The following STARD13 variants were observed in gnomAD, a reference collection of about 807,000 sequenced individuals.
STARD13 encodes the protein stAR-related lipid transfer protein 13.
A neutral mutation model predicts 106.4 loss-of-function variants in STARD13; 62 were observed. The observed-to-expected ratio is 0.58, with a 90% CI of 0.48 to 0.72. The LOEUF is 0.72. Among genes scored for constraint, STARD13 ranks in the 30% least tolerant of loss-of-function variants. The pLI, the probability that STARD13 is intolerant of heterozygous loss-of-function variation, is 0.00. For missense variants in STARD13, 1,387 were observed against 1,424.0 expected, an observed-to-expected ratio of 0.97 and a Z score of 0.42; for synonymous variants, 565 against 553.0, an observed-to-expected ratio of 1.02 and a Z score of -0.31.
At chr13:33,550,472 G>A in the STARD13 span, among the ~76,000 whole-genome samples, 1 of 152,132 alleles carries the variant, frequency 6.6e-6, no homozygotes, top group Non-Finnish European at 1.5e-5. Flanking sequence ...CAATAATGCC[G>A]AAACAGTGAT....
chr13:33,140,787 G>A (rs1163851995), intron 4 of STARD13, among the ~76,000 whole-genome samples: 1 of 150,024 alleles, frequency 6.7e-6, no homozygotes, highest in Admixed American at 6.6e-5. Flanking sequence ...TTTTGAGGCG[G>A]AGTCTCTCTC....
the STARD13 span, among the ~76,000 whole-genome samples, chr13:33,433,474 T>A: frequency 6.6e-6 from 1 of 152,138 alleles, no homozygotes; most frequent in Non-Finnish European, 1.5e-5. Flanking sequence ...CAAGAAAGAA[T>A]CACCAGGAAT....
chr13:33,594,113 T>G, the STARD13 span, among the ~76,000 whole-genome samples: 34,130 of 151,846 alleles, frequency 0.22, 4,881 homozygotes, highest in East Asian at 0.39. Context: ...TCACCATATT[T>G]CCAGGATGGT....
chr13:33,495,499 C>G, the STARD13 span, among the ~76,000 whole-genome samples: 6 of 152,106 alleles, frequency 3.9e-5, no homozygotes, highest in Admixed American at 3.9e-4. Flanking sequence ...AGCTTGAACA[C>G]TTTCTTCATG....
chr13:33,188,468 A>G (rs1001700356), intron 1 of STARD13, among the ~76,000 whole-genome samples: 3 of 152,080 alleles, frequency 2.0e-5, no homozygotes, highest in African/African-American at 7.2e-5. Flanking sequence ...TCTGGTTATG[A>G]TCTGCTGCTA....
the STARD13 span, among the ~76,000 whole-genome samples, chr13:33,587,712 C>T: frequency 1.3e-5 from 2 of 152,160 alleles, no homozygotes; most frequent in Non-Finnish European, 2.9e-5. Flanking sequence ...CCAGCCAATG[C>T]GTCTGAATCC....
At chr13:33,444,292 G>C in the STARD13 span, among the ~76,000 whole-genome samples, 1 of 152,158 alleles carries the variant, frequency 6.6e-6, no homozygotes, top group African/African-American at 2.4e-5. Context: ...CTCTAGAACT[G>C]TAAGAATTAT....
intron 12 of STARD13, among the ~76,000 whole-genome samples, chr13:33,108,233 T>C (rs2138057413): frequency 6.6e-6 from 1 of 152,308 alleles, no homozygotes; most frequent in African/African-American, 2.4e-5. Flanking sequence ...GACTGTAAGA[T>C]GCTCTGAAGA....
chr13:33,348,249 C>T (rs368331045), downstream of STARD13, among the ~76,000 whole-genome samples: 40 of 152,232 alleles, frequency 2.6e-4, 1 homozygote, highest in East Asian at 1.2e-3. Context: ...AGTTCCCATT[C>T]TGAAACCACT....
chr13:33,240,849 T>G (rs1490843117), intron 1 of STARD13, among the ~76,000 whole-genome samples: 1 of 152,190 alleles, frequency 6.6e-6, no homozygotes, highest in African/African-American at 2.4e-5. Context: ...ATTGTTTTCT[T>G]AATTTCATTT....
the STARD13 span, among the ~76,000 whole-genome samples, chr13:33,662,231 C>T: frequency 6.7e-6 from 1 of 149,284 alleles, no homozygotes; most frequent in Non-Finnish European, 1.5e-5. Context: ...CACTGTACTA[C>T]AGCCTGGGCG....
chr13:33,643,903 T>C, the STARD13 span, among the ~76,000 whole-genome samples: 1 of 152,220 alleles, frequency 6.6e-6, no homozygotes, highest in African/African-American at 2.4e-5. Flanking sequence ...TGGGCTAAGA[T>C]TCAAAACTCC....
At chr13:33,400,840 G>A in the STARD13 span, among the ~76,000 whole-genome samples, 1 of 152,104 alleles carries the variant, frequency 6.6e-6, no homozygotes, top group Admixed American at 6.5e-5. Context: ...CTTAAAATGG[G>A]TGCATTTCAG....
At chr13:33,418,100 C>A in the STARD13 span, among the ~76,000 whole-genome samples, 3 of 152,090 alleles carry the variant, frequency 2.0e-5, no homozygotes, top group Admixed American at 2.0e-4. Context: ...ACAGTGGGTG[C>A]AGCCCATGAA....
At chr13:33,514,281 T>C in the STARD13 span, among the ~76,000 whole-genome samples, 672 of 152,268 alleles carry the variant, frequency 4.4e-3, 5 homozygotes, top group African/African-American at 0.015. Context: ...CTTAATGATC[T>C]AAATGAGATA....
At chr13:33,504,832 T>G in the STARD13 span, among the ~76,000 whole-genome samples, 2 of 152,218 alleles carry the variant, frequency 1.3e-5, no homozygotes, top group African/African-American at 2.4e-5. Context: ...CCTGAGCCAC[T>G]GTGCACTGCC....
the STARD13 span, among the ~76,000 whole-genome samples, chr13:33,491,502 A>C: frequency 4.3e-3 from 656 of 152,300 alleles, 5 homozygotes; most frequent in Non-Finnish European, 6.8e-3. Flanking sequence ...AATTCCTAAG[A>C]GTCTATATGG....
the STARD13 span, among the ~76,000 whole-genome samples, chr13:33,614,035 T>C: frequency 2.0e-5 from 3 of 152,186 alleles, no homozygotes; most frequent in Non-Finnish European, 2.9e-5. Context: ...TCTTTTCCAG[T>C]GGAGGGATCC....
chr13:33,417,764 G>T, the STARD13 span, among the ~76,000 whole-genome samples: 1 of 152,168 alleles, frequency 6.6e-6, no homozygotes, highest in Non-Finnish European at 1.5e-5. Flanking sequence ...GGACTAGGAG[G>T]TAAGACTGGG....
Sources: allele counts gnomAD v4.1 joint callset (sites outside exome capture counted in the v4.1 genomes callset), GRCh38; gene constraint gnomAD v4.1.1; transcripts MANE v1.5; gene names NCBI Gene and HGNC (gene_info 2026-07-23, HGNC 2026-07-21).